GLCCI1: variants seen among roughly 807,000 people sequenced by gnomAD.
GLCCI1 encodes glucocorticoid-induced transcript 1 protein.
A neutral mutation model predicts 52.2 loss-of-function variants in GLCCI1; 24 were observed. The ratio of observed to expected loss-of-function variants is 0.46; its 90% CI spans 0.33 to 0.65. The LOEUF is 0.65. GLCCI1 is among the 30% of genes least tolerant of loss of function. GLCCI1 has a pLI of 0.02. For synonymous variants in GLCCI1, 310 were observed against 276.5 expected, an observed-to-expected ratio of 1.12 and a Z score of -1.20; for missense variants, 704 against 701.5, an observed-to-expected ratio of 1.00 and a Z score of -0.04.
chr7:7,998,871 G>A (rs1195415471), intron 1 of GLCCI1, among the ~76,000 whole-genome samples: 1 of 152,072 alleles, frequency 6.6e-6, no homozygotes, highest in African/African-American at 2.4e-5. Flanking sequence ...CTCTAAATAG[G>A]TTGTTGAATA....
intron 3 of GLCCI1, among the ~76,000 whole-genome samples, chr7:8,024,023 TG>T (rs1253282597): frequency 6.6e-6 from 1 of 152,244 alleles, no homozygotes; most frequent in African/African-American, 2.4e-5. Flanking sequence ...AACTTAGTTT[TG>T]ACTTTGCCCT....
intron 5 of GLCCI1, among the ~76,000 whole-genome samples, chr7:8,066,113 G>T (rs1298245108): frequency 1.3e-5 from 2 of 152,002 alleles, no homozygotes; most frequent in African/African-American, 4.8e-5. Context: ...CTCTCTTCCT[G>T]GTTCAGTCTT....
At chr7:8,019,865 G>C (rs1267880888) in intron 2 of GLCCI1, among the ~76,000 whole-genome samples, 1 of 152,210 alleles carries the variant, frequency 6.6e-6, no homozygotes, top group Non-Finnish European at 1.5e-5. Flanking sequence ...GGAGTTTGCA[G>C]GACTGGAACC....
chr7:7,976,566 C>T (rs572858601), intron 1 of GLCCI1, among the ~76,000 whole-genome samples: 4 of 149,172 alleles, frequency 2.7e-5, no homozygotes, highest in South Asian at 2.1e-4. Flanking sequence ...TAGTAACCCA[C>T]GGTTGTGTGG....
At chr7:7,980,115 G>A (rs554763297) in intron 1 of GLCCI1, among the ~76,000 whole-genome samples, 10 of 152,106 alleles carry the variant, frequency 6.6e-5, no homozygotes, top group South Asian at 4.2e-4. Flanking sequence ...ATGGGGTTTC[G>A]AACTCCTGGC....
chr7:8,063,615 C>CTT lies in GLCCI1; in HGVS notation c.966+3387_966+3388dup, dbSNP rs917291629. Among the ~76,000 whole-genome samples the CTT allele has an allele frequency of 6.5e-3, 736 of 113,618 alleles. 33 individuals are homozygous for CTT. The highest frequency in any genetic ancestry group is 0.045 in the East Asian group (175 of 3,890). 74.5% of individuals were successfully genotyped at this position (113,618 alleles called of 152,430 possible). A position where few individuals can be genotyped will look rare whatever the true frequency, so the allele number is the denominator to read the frequency against. On this transcript the variant is annotated intron_variant, in intron 5 of 7. Transcript: ENST00000223145. ...TGTGATTTGCCTACCACTTTTCTTC[C>CTT]TTTTTTTTTTTTTTTTTTTTTGAGA...
intron 3 of GLCCI1, among the ~76,000 whole-genome samples, chr7:8,039,105 A>T (rs1477373057): frequency 6.6e-6 from 1 of 152,184 alleles, no homozygotes; most frequent in Non-Finnish European, 1.5e-5. Flanking sequence ...AAGTCAAAAA[A>T]AAATAGTTGT....
At chr7:8,028,482 T>C (rs1258050850) in intron 3 of GLCCI1, among the ~76,000 whole-genome samples, 2 of 152,280 alleles carry the variant, frequency 1.3e-5, no homozygotes, top group Admixed American at 1.3e-4. Flanking sequence ...GGGAAATTTA[T>C]AGCTGTAAGT....
rs189410211 is a variant in GLCCI1 at position 8,078,111 on chromosome 7, G to A, written c.1178-6786G>A. The stretch of plus-strand genomic sequence containing the variant: ...GAGCCGGGCGTGGTGGCGGGCACCT[G>A]TAGTCCCAGCTACTCGGGAGGCTGA... On this transcript the variant is annotated intron_variant, in intron 6 of 7. Coordinates refer to ENST00000223145, the MANE Select transcript of GLCCI1 (RefSeq NM_138426.4). Among the ~76,000 whole-genome samples the A allele has an allele frequency of 8.8e-3, 1,313 of 149,668 alleles. 23 individuals carry two copies. The highest frequency in any genetic ancestry group is 0.03 in the African/African-American group (1,225 of 40,672).
chr7:8,028,231 A>G (rs1057427557), intron 3 of GLCCI1, among the ~76,000 whole-genome samples: 5 of 152,214 alleles, frequency 3.3e-5, no homozygotes, highest in Non-Finnish European at 7.3e-5. Context: ...GTCTTAAAAC[A>G]TTCAGAAAAA....
At chr7:8,044,797 A>G (rs2127955827) in intron 3 of GLCCI1, among the ~76,000 whole-genome samples, 1 of 152,320 alleles carries the variant, frequency 6.6e-6, no homozygotes, top group South Asian at 2.1e-4. Flanking sequence ...ACCTGTAAGA[A>G]TGCAATGTGA....
At chr7:8,065,497 C>T (rs1040002946) in intron 5 of GLCCI1, among the ~76,000 whole-genome samples, 18 of 152,274 alleles carry the variant, frequency 1.2e-4, no homozygotes, top group African/African-American at 4.1e-4. Flanking sequence ...CAAGGGAATG[C>T]TTCCAGTTTT....
chr7:8,000,655 A>G (rs1781033982), intron 1 of GLCCI1, among the ~76,000 whole-genome samples: 2 of 152,144 alleles, frequency 1.3e-5, no homozygotes, highest in African/African-American at 4.8e-5. Context: ...GTAAATTAAC[A>G]GAAAGAAAGC....
intron 2 of GLCCI1, among the ~76,000 whole-genome samples, chr7:8,011,609 T>C (rs886332432): frequency 6.6e-6 from 1 of 152,186 alleles, no homozygotes; most frequent in Non-Finnish European, 1.5e-5. Flanking sequence ...GCAACATTAG[T>C]GTGTGGGTAT....
intron 1 of GLCCI1, among the ~76,000 whole-genome samples, chr7:7,973,203 G>A (rs1780391987): frequency 1.3e-5 from 2 of 152,104 alleles, no homozygotes; most frequent in African/African-American, 4.8e-5. Context: ...CTACCTTTGA[G>A]ATAAATAGAG....
rs574441931 is a variant in GLCCI1 at position 8,086,811 on chromosome 7, C to G, written c.*273C>G. The G allele has an allele frequency of 3.5e-5, 12 of 339,838 alleles. No individual in the cohort carries two copies. In the East Asian group the frequency reaches 6.0e-4, roughly 17 times the overall value. 21.1% of individuals were successfully genotyped at this position (339,838 alleles called of 1,614,324 possible). ...ATATTTGACAGATTAGTACTGTGTC[C>G]TGTGTTTTGTTCCAGATTCTTCAGT... On this transcript the variant is annotated 3_prime_UTR_variant, in exon 8 of 8. Coordinates refer to ENST00000223145, the MANE Select transcript of GLCCI1 (RefSeq NM_138426.4). The surrounding 1 kb of genome is among the most constrained non-coding windows in gnomAD (Gnocchi z 4.4).
chr7:8,035,561 C>T lies in GLCCI1; in HGVS notation c.696+12992C>T, dbSNP rs192146060. ...CTTGTGTGAAAGGTGGGGCACCTCC[C>T]CCTTATATGTGGAGTTGTTATGTTC... is the stretch of plus-strand genomic sequence containing the variant. On this transcript the variant is annotated intron_variant, in intron 3 of 7. Transcript: ENST00000223145. 2.4e-3 allele frequency among the ~76,000 whole-genome samples: 366 copies of T among 152,234 alleles called. 2 individuals carry two copies. Among genetic ancestry groups the T allele is most frequent in the African/African-American group, 8.4e-3 (348 of 41,544 alleles).
At chr7:8,063,717 C>G (rs1312712434) in intron 5 of GLCCI1, among the ~76,000 whole-genome samples, 1 of 114,846 alleles carries the variant, frequency 8.7e-6, no homozygotes, top group South Asian at 3.0e-4. Flanking sequence ...CCCTCAGGCC[C>G]AAATGATCCT....
At chr7:8,006,219 A>C (rs143766442) in intron 2 of GLCCI1, among the ~76,000 whole-genome samples, 9 of 152,256 alleles carry the variant, frequency 5.9e-5, no homozygotes, top group African/African-American at 2.2e-4. Flanking sequence ...GGAGAAAGCT[A>C]TTCTAAGAAA....
Sources: gnomAD v4.1 joint callset for allele counts (sites outside exome capture counted in the v4.1 genomes callset) on GRCh38, gnomAD v4.1.1 for gene constraint, Gnocchi (gnomAD v3.1) non-coding constraint, MANE v1.5 for transcripts, NCBI Gene and HGNC (gene_info 2026-07-23, HGNC 2026-07-21) for gene names.